ZNF846: variants seen among roughly 807,000 people sequenced by gnomAD.
ZNF846 encodes the protein zinc finger protein 420 pseudogene.
A neutral mutation model predicts 16.0 loss-of-function variants in ZNF846; 15 were observed. That is an observed-to-expected ratio of 0.94 (90% CI 0.63 to 1.45). The LOEUF (loss-of-function observed/expected upper bound fraction) is 1.45, where lower values mean the gene tolerates loss of function less well. Ranked by LOEUF, ZNF846 falls within the 40% of genes most tolerant of loss-of-function variation. The probability of loss-of-function intolerance (pLI) is 0.00; values close to 1 mark genes in which losing one functional copy is unlikely to be tolerated. For missense variants in ZNF846, 714 were observed against 622.3 expected (o/e 1.15, Z -1.57); for synonymous variants, 229 against 212.0 (o/e 1.08, Z -0.70).
At chr19:9,758,911 G>T (rs1360678025) in intron 5 of ZNF846, 147 bp from the exon 6 acceptor site, 4 of 619,670 alleles carry the variant, frequency 6.5e-6, no homozygotes, top group African/African-American at 5.8e-5. Context: ...CCCCATTTTT[G>T]AGTTAAGTTG....
intron 1 of ZNF846, among the ~76,000 whole-genome samples, chr19:9,782,553 A>G (rs948120644): frequency 6.6e-6 from 1 of 152,150 alleles, no homozygotes; most frequent in African/African-American, 2.4e-5. Context: ...ATGAGTCACC[A>G]TGCCCAGCCA....
At chr19:9,758,516 C>T (rs779381446) in exon 6 of ZNF846, 1 of 1,613,466 alleles carries the variant, frequency 6.2e-7, no homozygotes, top group South Asian at 1.1e-5. Flanking sequence ...TTTTATTCTG[C>T]CTAGTAAGAT....
exon 4 of ZNF846, chr19:9,762,086 C>A (rs765321324): frequency 3.1e-6 from 5 of 1,613,732 alleles, no homozygotes; most frequent in Non-Finnish European, 3.4e-6. Flanking sequence ...ACTCACCCTG[C>A]AGAACTCCTG....
intron 1 of ZNF846, among the ~76,000 whole-genome samples, chr19:9,784,906 G>C (rs1374758950): frequency 6.6e-6 from 1 of 152,092 alleles, no homozygotes; most frequent in South Asian, 2.1e-4. Flanking sequence ...CACAGGGTTG[G>C]GGCTAAGGTT....
At chr19:9,775,049 G>A in intron 1 of ZNF846, 1 of 1,179,296 alleles carries the variant, frequency 8.5e-7, no homozygotes, top group Non-Finnish European at 1.2e-6. Flanking sequence ...TGTGGAAATT[G>A]ACACGTGCCA....
chr19:9,771,940 G>C (rs369275302), upstream of ZNF846, among the ~76,000 whole-genome samples: 1 of 151,876 alleles, frequency 6.6e-6, no homozygotes, highest in Admixed American at 6.6e-5. Flanking sequence ...GCTAATTTTT[G>C]TATTTTTAGT....
chr19:9,764,976 C>T lies in ZNF846; in HGVS notation c.-26G>A, dbSNP rs374305434. The T allele has an allele frequency of 5.2e-5, 84 of 1,613,998 alleles. No homozygotes were observed. In the East Asian group the frequency reaches 1.0e-3, roughly 19 times the overall value. On this transcript the variant is annotated 5_prime_UTR_variant, in exon 2 of 6. It adds an upstream start codon to the 5' untranslated region. Coordinates refer to ENST00000397902, the Ensembl canonical transcript of ZNF846. The stretch of plus-strand genomic sequence containing the variant: ...CAGTAATCCATCAGTAACCCAGCCA[C>T]TAGCCTTGGCTTCTCGATGTTCCTG...
At chr19:9,748,704 A>C (rs1056180707), downstream of ZNF846, among the ~76,000 whole-genome samples, 15 of 152,170 alleles carry the variant, frequency 9.9e-5, no homozygotes, top group Non-Finnish European at 1.5e-5. Context: ...TCAGCCTTCA[A>C]CTTAAAAAAG....
chr19:9,750,467 C>T (rs893690243), downstream of ZNF846, among the ~76,000 whole-genome samples: 5 of 152,180 alleles, frequency 3.3e-5, no homozygotes, highest in Non-Finnish European at 7.3e-5. Context: ...TCTTTCACTA[C>T]ACCCTCTCAC....
chr19:9,749,668 A>G (rs2045069282), downstream of ZNF846, among the ~76,000 whole-genome samples: 1 of 148,182 alleles, frequency 6.7e-6, no homozygotes, highest in African/African-American at 2.5e-5. Context: ...CTCTCTCCTC[A>G]CTGCCTCCAA....
chr19:9,760,284 T>C (rs989251538), intron 4 of ZNF846, among the ~76,000 whole-genome samples: 13 of 142,410 alleles, frequency 9.1e-5, no homozygotes, highest in Non-Finnish European at 6.1e-5. Flanking sequence ...AGAGCAAGAC[T>C]TCGTCTCAAA....
At chr19:9,762,676 G>C (rs1401192792) in intron 3 of ZNF846, among the ~76,000 whole-genome samples, 1 of 152,074 alleles carries the variant, frequency 6.6e-6, no homozygotes, top group African/African-American at 2.4e-5. Flanking sequence ...CTACACCAGG[G>C]GTGTCCAATC....
chr19:9,775,021 C>A, intron 1 of ZNF846: 2 of 1,455,284 alleles, frequency 1.4e-6, no homozygotes, highest in Non-Finnish European at 1.9e-6. Flanking sequence ...CATTCAGACA[C>A]CCGGCAAAGC....
At chr19:9,756,343 G>GTGTATATATATATATATA (rs974628746), downstream of ZNF846, 1 of 71,182 alleles carries the variant, frequency 1.4e-5, no homozygotes, top group Non-Finnish European at 2.5e-5. Flanking sequence ...GTGTGTGTGT[G>GTGTATATATATATATATA]TGTATATATA....
At chr19:9,761,923 T>C (rs968496722) in intron 4 of ZNF846, among the ~76,000 whole-genome samples, 159 bp downstream of exon 4, 1 of 152,250 alleles carries the variant, frequency 6.6e-6, no homozygotes, top group African/African-American at 2.4e-5. Flanking sequence ...AATTTAAAGA[T>C]GAGGGGAGTT....
intron 4 of ZNF846, among the ~76,000 whole-genome samples, chr19:9,760,339 C>A (rs2045205000): frequency 6.7e-6 from 1 of 150,268 alleles, no homozygotes; most frequent in Non-Finnish European, 1.5e-5. Flanking sequence ...TCAAATGTGG[C>A]AGAGTGAAGA....
intron 1 of ZNF846, chr19:9,774,392 C>G (rs574306403): frequency 1.8e-6 from 1 of 553,352 alleles, no homozygotes; most frequent in South Asian, 2.0e-5. Context: ...GGCGTGAACC[C>G]GGGAGGTGGA....
intron 1 of ZNF846, among the ~76,000 whole-genome samples, chr19:9,766,815 A>G (rs1284382396): frequency 6.6e-6 from 1 of 150,532 alleles, no homozygotes; most frequent in Admixed American, 6.7e-5. Flanking sequence ...CAGGAGAAGC[A>G]CTTGAACCCG....
downstream of ZNF846, chr19:9,756,224 T>G (rs541296874): frequency 2.7e-4 from 41 of 150,260 alleles, no homozygotes; most frequent in African/African-American, 9.2e-4. Context: ...GGATGCAACA[T>G]TTCCCTCATT....
Sources: allele counts gnomAD v4.1 joint callset (sites outside exome capture counted in the v4.1 genomes callset), GRCh38; gene constraint gnomAD v4.1.1; transcripts MANE v1.5; gene names NCBI Gene and HGNC (gene_info 2026-07-23, HGNC 2026-07-21).